CEP83: variants seen among roughly 807,000 people sequenced by gnomAD.
The protein encoded by CEP83 is centrosomal protein of 83 kDa.
A neutral mutation model predicts 101.9 loss-of-function variants in CEP83; 70 were observed. The ratio of observed to expected loss-of-function variants is 0.69; its 90% CI spans 0.57 to 0.84. The LOEUF (loss-of-function observed/expected upper bound fraction) is 0.84, where lower values mean the gene tolerates loss of function less well. Among genes scored for constraint, CEP83 ranks in the 40% least tolerant of loss-of-function variants. The pLI, the probability that CEP83 is intolerant of heterozygous loss-of-function variation, is 0.00. For synonymous variants in CEP83, 264 were observed against 267.9 expected (o/e 0.99, Z 0.14); for missense variants, 715 against 787.2 (o/e 0.91, Z 1.10).
At chr12:94,305,131 T>C, downstream of CEP83, 1 of 1,205,526 alleles carries the variant, frequency 8.3e-7, no homozygotes, top group Non-Finnish European at 1.2e-6. Flanking sequence ...AAAACAGAAT[T>C]GTAACGCTAA....
chr12:94,377,070 C>T (rs1002703481), intron 7 of CEP83, among the ~76,000 whole-genome samples: 7 of 152,034 alleles, frequency 4.6e-5, no homozygotes, highest in African/African-American at 1.7e-4. Flanking sequence ...GACATTTTGG[C>T]ATTTAAAGGA....
the CEP83 span, among the ~76,000 whole-genome samples, chr12:94,266,911 C>T: frequency 2.8e-3 from 421 of 152,306 alleles, 1 homozygote; most frequent in African/African-American, 9.7e-3. Flanking sequence ...GGCTTTCCCT[C>T]GGGACTGACT....
chr12:94,287,203 G>T, the CEP83 span, among the ~76,000 whole-genome samples: 1 of 152,212 alleles, frequency 6.6e-6, no homozygotes, highest in African/African-American at 2.4e-5. Flanking sequence ...CAGACAAAGG[G>T]TTAAGCGTGT....
chr12:94,293,668 G>A, the CEP83 span, among the ~76,000 whole-genome samples: 1 of 152,190 alleles, frequency 6.6e-6, no homozygotes, highest in Admixed American at 6.5e-5. Context: ...GCCCAGGCTG[G>A]AGTAGAGTGG....
chr12:94,332,804 T>G (rs2059280210), intron 13 of CEP83, among the ~76,000 whole-genome samples: 1 of 152,146 alleles, frequency 6.6e-6, no homozygotes, highest in South Asian at 2.1e-4. Context: ...GAAATACAGT[T>G]TTATGTGGCA....
In CEP83 at chr12:94,309,925, T is replaced by A. The variant is rs1441280179; in HGVS notation, c.1994A>T (p.His665Leu). The stretch of plus-strand genomic sequence containing the variant: ...TAAAATAAATGCTCATACCTGCATA[T>A]GAGGAGGAAATGGTAGTTCCATGCT... ...VPSMELPFPP[H>L]MQEEQHQREL... The change falls in exon 16 of 17, where the codon CAT becomes CTT. Residue 665 changes from histidine (H) to leucine (L), a missense_variant. Transcript: ENST00000397809. 6.3e-7 allele frequency: 1 copy of A among 1,574,918 alleles called. No homozygotes were observed.
chr12:94,318,705 G>A (rs924858434), intron 14 of CEP83, among the ~76,000 whole-genome samples: 11 of 152,120 alleles, frequency 7.2e-5, no homozygotes, highest in African/African-American at 2.7e-4. Context: ...TTTATGTGAT[G>A]AATCACATTT....
chr12:94,390,806 T>G (rs1180424973), intron 6 of CEP83, among the ~76,000 whole-genome samples: 1 of 152,128 alleles, frequency 6.6e-6, no homozygotes, highest in African/African-American at 2.4e-5. Flanking sequence ...GTGCAAACCA[T>G]GGCACGAGAA....
chr12:94,362,448 C>T (rs1301238157), intron 11 of CEP83, among the ~76,000 whole-genome samples: 5 of 152,052 alleles, frequency 3.3e-5, no homozygotes, highest in African/African-American at 1.2e-4. Flanking sequence ...AGTGAAACCC[C>T]GTCTCTACTA....
chr12:94,411,555 G>A, intron 4 of CEP83, 142 bp downstream of exon 4: 2 of 616,786 alleles, frequency 3.2e-6, no homozygotes, highest in East Asian at 2.7e-5. Flanking sequence ...TATGAAAGAA[G>A]ATTAAATTGT....
At chr12:94,421,497 G>A (rs2064743705) in intron 2 of CEP83, among the ~76,000 whole-genome samples, 1 of 152,104 alleles carries the variant, frequency 6.6e-6, no homozygotes, top group African/African-American at 2.4e-5. Flanking sequence ...TCATGGTTGT[G>A]AGGCTACCAC....
intron 2 of CEP83, among the ~76,000 whole-genome samples, chr12:94,416,847 G>A (rs937568424): frequency 6.6e-6 from 1 of 151,852 alleles, no homozygotes; most frequent in Non-Finnish European, 1.5e-5. Flanking sequence ...GGCACAGAAG[G>A]CCTAGTGGAG....
At chr12:94,442,035 T>G (rs533478968) in intron 1 of CEP83, among the ~76,000 whole-genome samples, 1 of 151,812 alleles carries the variant, frequency 6.6e-6, no homozygotes, top group East Asian at 1.9e-4. Context: ...TGAACATGCA[T>G]GTTTATAGCA....
chr12:94,353,825 G>A (rs1342388296), intron 11 of CEP83, among the ~76,000 whole-genome samples: 2 of 149,868 alleles, frequency 1.3e-5, no homozygotes, highest in African/African-American at 4.9e-5. Context: ...GTCAAAAACT[G>A]TGAAAAGTTT....
intron 2 of CEP83, among the ~76,000 whole-genome samples, chr12:94,425,395 C>T (rs944628011): frequency 6.6e-6 from 1 of 152,170 alleles, no homozygotes; most frequent in African/African-American, 2.4e-5. Context: ...GCCTCCAGTA[C>T]CACCTCATTG....
At chr12:94,335,785 T>G in intron 11 of CEP83, 121 bp from the exon 12 acceptor site, 1 of 672,958 alleles carries the variant, frequency 1.5e-6, no homozygotes, top group Non-Finnish European at 2.6e-6. Flanking sequence ...CAACCAAAGA[T>G]TGAGACTTCA....
chr12:94,437,185 A>C (rs2066058186), intron 1 of CEP83, among the ~76,000 whole-genome samples: 1 of 151,992 alleles, frequency 6.6e-6, no homozygotes, highest in Non-Finnish European at 1.5e-5. Flanking sequence ...CTAAACTAAA[A>C]AAAAAAAAAA....
intron 2 of CEP83, among the ~76,000 whole-genome samples, chr12:94,423,311 C>T (rs146912952): frequency 1.4e-4 from 22 of 152,128 alleles, no homozygotes; most frequent in East Asian, 1.4e-3. Context: ...CTTGAATTCC[C>T]GACATCAAGT....
At chr12:94,417,331 A>G (rs923412559) in intron 2 of CEP83, among the ~76,000 whole-genome samples, 1 of 152,020 alleles carries the variant, frequency 6.6e-6, no homozygotes, top group Non-Finnish European at 1.5e-5. Context: ...AAAAAAACAA[A>G]AACACAAACA....
Sources: allele counts gnomAD v4.1 joint callset (sites outside exome capture counted in the v4.1 genomes callset), GRCh38; gene constraint gnomAD v4.1.1; transcripts MANE v1.5; gene names NCBI Gene and HGNC (gene_info 2026-07-23, HGNC 2026-07-21).